NCALD: variants seen among roughly 807,000 people sequenced by gnomAD.
NCALD encodes the protein neurocalcin delta, also known as neurocalcin-delta.
In NCALD, 10 loss-of-function variants were observed where a neutral mutation model predicts 18.6. The observed-to-expected ratio is 0.54, with a 90% CI of 0.33 to 0.91. NCALD has a LOEUF of 0.91. Ranked by LOEUF, NCALD falls within the 40% of genes least tolerant of loss-of-function variation. NCALD has a pLI of 0.03. For missense variants in NCALD, 184 were observed against 247.6 expected (o/e 0.74, Z 1.72); for synonymous variants, 88 against 87.4 (o/e 1.01, Z -0.04).
At chr8:101,945,260 GCTAGGCT>G (rs1004968556) in intron 2 of NCALD, among the ~76,000 whole-genome samples, 41 of 152,212 alleles carry the variant, frequency 2.7e-4, no homozygotes, top group Admixed American at 2.6e-3. Flanking sequence ...CAGGCATCAT[GCTAGGCT>G]CTGGGGATAG....
intron 2 of NCALD, among the ~76,000 whole-genome samples, chr8:101,716,382 T>A (rs551932450): frequency 2.6e-5 from 4 of 152,210 alleles, no homozygotes; most frequent in South Asian, 4.1e-4. Flanking sequence ...GACGGGTTGA[T>A]GGGTGCAGCA....
At chr8:101,868,780 C>T (rs1815883579) in intron 4 of NCALD, among the ~76,000 whole-genome samples, 1 of 152,196 alleles carries the variant, frequency 6.6e-6, no homozygotes, top group Non-Finnish European at 1.5e-5. Flanking sequence ...GTATTTGGAC[C>T]TCAGAAGATC....
At chr8:102,084,338 G>A (rs1824660871) in intron 1 of NCALD, among the ~76,000 whole-genome samples, 2 of 152,214 alleles carry the variant, frequency 1.3e-5, no homozygotes, top group South Asian at 4.1e-4. Flanking sequence ...TAATTTGACT[G>A]AGGGGCATAA....
chr8:101,963,077 A>C (rs1819893792), intron 2 of NCALD, among the ~76,000 whole-genome samples: 1 of 152,220 alleles, frequency 6.6e-6, no homozygotes, highest in Non-Finnish European at 1.5e-5. Flanking sequence ...CCAACAGTTT[A>C]ATAGCTGGCA....
chr8:102,027,690 G>A (rs900073870), intron 1 of NCALD, among the ~76,000 whole-genome samples: 14 of 152,190 alleles, frequency 9.2e-5, no homozygotes, highest in African/African-American at 3.1e-4. Context: ...TGTATTAGTT[G>A]ATTCTCATGG....
intron 1 of NCALD, among the ~76,000 whole-genome samples, chr8:102,104,249 A>G (rs1825377724): frequency 6.6e-6 from 1 of 152,164 alleles, no homozygotes; most frequent in Non-Finnish European, 1.5e-5. Context: ...TCATTAGCTA[A>G]ATAAACTGGG....
At chr8:102,117,670 G>C (rs1229047948) in intron 1 of NCALD, among the ~76,000 whole-genome samples, 1 of 151,158 alleles carries the variant, frequency 6.6e-6, no homozygotes, top group African/African-American at 2.4e-5. Flanking sequence ...GTGATTCAAG[G>C]ACATGTTGTC....
intron 1 of NCALD, among the ~76,000 whole-genome samples, chr8:101,737,171 T>G (rs113280068): frequency 0.11 from 16,332 of 151,956 alleles, 1,898 homozygotes; most frequent in African/African-American, 0.28. Flanking sequence ...CAGGCTGGAG[T>G]GCAGTGGCGC....
chr8:101,804,938 C>T (rs76463006), intron 4 of NCALD, among the ~76,000 whole-genome samples: 1,556 of 151,830 alleles, frequency 0.01, 25 homozygotes, highest in African/African-American at 0.036. Context: ...AACTGAATGA[C>T]AAAAATATAT....
intron 2 of NCALD, among the ~76,000 whole-genome samples, chr8:101,715,541 A>T (rs1816036573): frequency 6.6e-6 from 1 of 152,218 alleles, no homozygotes; most frequent in African/African-American, 2.4e-5. Flanking sequence ...CAACCTATAG[A>T]ATGGGAGAAA....
intron 1 of NCALD, among the ~76,000 whole-genome samples, chr8:101,787,581 T>C (rs1425113325): frequency 2.0e-5 from 3 of 152,218 alleles, no homozygotes; most frequent in Non-Finnish European, 4.4e-5. Context: ...TATCAGGCAC[T>C]ATTTTCTGCA....
At chr8:101,797,814 C>CAA (rs1182879392) in intron 4 of NCALD, among the ~76,000 whole-genome samples, 6 of 128,370 alleles carry the variant, frequency 4.7e-5, no homozygotes, top group African/African-American at 5.8e-5. Flanking sequence ...GACTCCATCT[C>CAA]AAAAAAAAAA....
chr8:101,892,205 C>A (rs978242603), intron 3 of NCALD, among the ~76,000 whole-genome samples: 2 of 149,564 alleles, frequency 1.3e-5, no homozygotes, highest in Non-Finnish European at 1.5e-5. Flanking sequence ...GTCCCTGACC[C>A]CTGACCCCCG....
chr8:101,899,285 T>C (rs2131556350), intron 3 of NCALD, among the ~76,000 whole-genome samples: 1 of 152,142 alleles, frequency 6.6e-6, no homozygotes, highest in Admixed American at 6.5e-5. Flanking sequence ...AGAGGTTTTT[T>C]CTTTATAGAT....
chr8:101,904,467 G>T (rs1007697564), intron 3 of NCALD, among the ~76,000 whole-genome samples: 4 of 152,028 alleles, frequency 2.6e-5, no homozygotes, highest in African/African-American at 4.8e-5. Context: ...TTCATGGAAA[G>T]GTTAATCCCT....
At chr8:101,924,065 G>A (rs868594667) in intron 2 of NCALD, among the ~76,000 whole-genome samples, 1 of 152,204 alleles carries the variant, frequency 6.6e-6, no homozygotes. Flanking sequence ...TTCAGCCTAG[G>A]CCTCCCAACT....
intron 2 of NCALD, among the ~76,000 whole-genome samples, chr8:101,714,518 C>T (rs1219151463): frequency 6.6e-6 from 1 of 152,202 alleles, no homozygotes; most frequent in Admixed American, 6.5e-5. Context: ...GAGAAACATT[C>T]CATGCTCATG....
chr8:101,753,767 G>A (rs910844650), intron 1 of NCALD, among the ~76,000 whole-genome samples: 1 of 152,124 alleles, frequency 6.6e-6, no homozygotes, highest in Non-Finnish European at 1.5e-5. Flanking sequence ...TGCAGCCAAT[G>A]TATCACTCTG....
chr8:101,879,743 T>C (rs1245476921), intron 4 of NCALD, among the ~76,000 whole-genome samples: 1 of 152,158 alleles, frequency 6.6e-6, no homozygotes, highest in Non-Finnish European at 1.5e-5. Flanking sequence ...ATCCCTGAGC[T>C]AGACACAAAA....
Sources: gnomAD v4.1 joint callset for allele counts (sites outside exome capture counted in the v4.1 genomes callset) on GRCh38, gnomAD v4.1.1 for gene constraint, MANE v1.5 for transcripts, NCBI Gene and HGNC (gene_info 2026-07-23, HGNC 2026-07-21) for gene names.